The following ZNF782 variants were observed in gnomAD, a reference collection of about 807,000 sequenced individuals.
ZNF782 encodes the protein zinc finger protein 782.
ZNF782 carries 12 observed loss-of-function variants against 13.0 expected under a neutral mutation model. The ratio of observed to expected loss-of-function variants is 0.92; its 90% CI spans 0.59 to 1.50. The LOEUF is 1.50. Ranked by LOEUF, ZNF782 falls within the 40% of genes most tolerant of loss-of-function variation. The pLI is 0.00. For missense variants in ZNF782, 770 were observed against 822.9 expected (o/e 0.94, Z 0.79); for synonymous variants, 284 against 283.0 (o/e 1.00, Z -0.04).
chr9:96,862,848 A>T (rs1851717745), intron 1 of ZNF782, among the ~76,000 whole-genome samples: 1 of 152,226 alleles, frequency 6.6e-6, no homozygotes, highest in African/African-American at 2.4e-5. Context: ...TAGCTCTGCT[A>T]TAATGGCAGC....
At chr9:96,840,665 A>C (rs900619352) in intron 4 of ZNF782, among the ~76,000 whole-genome samples, 1 of 152,076 alleles carries the variant, frequency 6.6e-6, no homozygotes, top group African/African-American at 2.4e-5. Flanking sequence ...CTCATACTAT[A>C]TGAATGAGTG....
the ZNF782 span, among the ~76,000 whole-genome samples, chr9:96,899,272 C>T: frequency 1.4e-3 from 209 of 151,736 alleles, 2 homozygotes; most frequent in African/African-American, 4.8e-3. Context: ...TATAGTTATC[C>T]TTGTAGGTAT....
At chr9:96,881,081 G>A in the ZNF782 span, among the ~76,000 whole-genome samples, 1 of 151,950 alleles carries the variant, frequency 6.6e-6, no homozygotes, top group Non-Finnish European at 1.5e-5. Flanking sequence ...CACTTATTAA[G>A]CTTTTAATGT....
At chr9:96,821,303 T>C (rs1286691716) in intron 5 of ZNF782, among the ~76,000 whole-genome samples, 4 of 152,212 alleles carry the variant, frequency 2.6e-5, no homozygotes, top group African/African-American at 7.2e-5. Flanking sequence ...CACCAGTAAA[T>C]AGTATATTTT....
chr9:96,853,484 A>C (rs1261411231), intron 1 of ZNF782, among the ~76,000 whole-genome samples: 1 of 152,116 alleles, frequency 6.6e-6, no homozygotes, highest in African/African-American at 2.4e-5. Flanking sequence ...GGAGCCTGCG[A>C]CCTGACCTGA....
the ZNF782 span, among the ~76,000 whole-genome samples, chr9:96,914,120 CTTATG>C: frequency 3.3e-5 from 5 of 151,232 alleles, no homozygotes; most frequent in East Asian, 3.9e-4. Flanking sequence ...TGGGCCTTCA[CTTATG>C]TTATTTTATT....
the ZNF782 span, chr9:96,910,080 C>G: frequency 2.5e-5 from 15 of 605,490 alleles, no homozygotes; most frequent in African/African-American, 2.8e-4. Flanking sequence ...CCCACCATGT[C>G]AGATGCAGCT....
At chr9:96,854,965 T>G (rs553553992), upstream of ZNF782, among the ~76,000 whole-genome samples, 35 of 152,302 alleles carry the variant, frequency 2.3e-4, no homozygotes, top group African/African-American at 7.5e-4. Context: ...TGAAATGATA[T>G]AACTTTGAAT....
chr9:96,827,607 C>T (rs531793029), intron 4 of ZNF782, among the ~76,000 whole-genome samples: 2 of 152,308 alleles, frequency 1.3e-5, no homozygotes, highest in South Asian at 4.1e-4. Flanking sequence ...GGCCAAAAAA[C>T]ATTTTCTTAT....
chr9:96,877,214 T>C (rs895294176), upstream of ZNF782, among the ~76,000 whole-genome samples: 10 of 152,198 alleles, frequency 6.6e-5, no homozygotes, highest in African/African-American at 2.4e-4. Context: ...ATTTAAATAG[T>C]GGCACCTATT....
the ZNF782 span, chr9:96,897,907 G>C: frequency 6.6e-6 from 1 of 151,278 alleles, no homozygotes; most frequent in Non-Finnish European, 1.5e-5. Flanking sequence ...GATAACACTA[G>C]GTCCTTAAGA....
chr9:96,923,947 T>C, the ZNF782 span, among the ~76,000 whole-genome samples: 2 of 151,024 alleles, frequency 1.3e-5, no homozygotes, highest in Non-Finnish European at 2.9e-5. Flanking sequence ...GCAATTCTCC[T>C]GTCTCATCCT....
chr9:96,905,874 G>A, the ZNF782 span, among the ~76,000 whole-genome samples: 6 of 152,116 alleles, frequency 3.9e-5, no homozygotes, highest in Admixed American at 2.0e-4. Context: ...ATGAGCCACC[G>A]TGCCCGGCCT....
chr9:96,843,803 A>T (rs1851259851), intron 4 of ZNF782, among the ~76,000 whole-genome samples: 1 of 152,238 alleles, frequency 6.6e-6, no homozygotes, highest in South Asian at 2.1e-4. Flanking sequence ...TTCTTAAAAT[A>T]TATGCAAAAA....
At chr9:96,847,575 T>C (rs1210131276) in intron 3 of ZNF782, among the ~76,000 whole-genome samples, 1 of 152,134 alleles carries the variant, frequency 6.6e-6, no homozygotes, top group Non-Finnish European at 1.5e-5. Context: ...AGGAAATGGA[T>C]AAATTCTTGC....
the ZNF782 span, among the ~76,000 whole-genome samples, chr9:96,880,738 A>G: frequency 6.6e-6 from 1 of 152,150 alleles, no homozygotes; most frequent in Non-Finnish European, 1.5e-5. Context: ...GAATTGGTCT[A>G]TAGTTTTCCT....
chr9:96,878,236 G>A (rs1305282980), upstream of ZNF782, among the ~76,000 whole-genome samples: 4 of 152,162 alleles, frequency 2.6e-5, no homozygotes, highest in East Asian at 3.9e-4. Context: ...TTTTAGTAGA[G>A]ACAGGGTTTC....
At chr9:96,862,643 T>A (rs967975238) in intron 1 of ZNF782, among the ~76,000 whole-genome samples, 17 of 152,328 alleles carry the variant, frequency 1.1e-4, no homozygotes, top group African/African-American at 4.1e-4. Flanking sequence ...ACCACTTTGC[T>A]AATAGTATAT....
At chr9:96,884,695 T>C in the ZNF782 span, among the ~76,000 whole-genome samples, 3 of 152,148 alleles carry the variant, frequency 2.0e-5, no homozygotes, top group African/African-American at 7.2e-5. Context: ...ACTTGAACTT[T>C]CACCCCACCC....
Sources: allele counts gnomAD v4.1 joint callset (sites outside exome capture counted in the v4.1 genomes callset), GRCh38; gene constraint gnomAD v4.1.1; transcripts MANE v1.5; gene names NCBI Gene and HGNC (gene_info 2026-07-23, HGNC 2026-07-21).